ZNF223: variants seen among roughly 807,000 people sequenced by gnomAD.
ZNF223 encodes the protein zinc finger protein 223, also known as Homo sapiens zinc finger protein 223.
In ZNF223, 9 loss-of-function variants were observed where a neutral mutation model predicts 12.3. The ratio of observed to expected loss-of-function variants is 0.73; its 90% confidence interval spans 0.44 to 1.28. The LOEUF is 1.28. ZNF223 is among the 50% of genes most tolerant of loss of function. The pLI, the probability that ZNF223 is intolerant of heterozygous loss-of-function variation, is 0.00. For missense variants in ZNF223, 506 were observed against 579.0 expected, an observed-to-expected ratio of 0.87 and a Z score of 1.29; for synonymous variants, 171 against 195.2, an observed-to-expected ratio of 0.88 and a Z score of 1.03.
intron 1 of ZNF223, among the ~76,000 whole-genome samples, chr19:44,052,953 T>C (rs1298200642): frequency 1.3e-5 from 2 of 152,202 alleles, no homozygotes; most frequent in African/African-American, 4.8e-5. Context: ...CCTAGCATCA[T>C]GTTATCTAAT....
At chr19:44,053,222 A>G (rs73556279) in intron 1 of ZNF223, among the ~76,000 whole-genome samples, 4,475 of 152,248 alleles carry the variant, frequency 0.029, 217 homozygotes, top group African/African-American at 0.1. Context: ...AAGTGGGCCC[A>G]GGGGACCGGC....
Position 44,066,487 on chromosome 19 carries a change from A to G in ZNF223, c.659A>G (p.Gln220Arg), listed in dbSNP as rs1302748594. ...GAATTCAGTCAGAGTTTACATCTGC[A>G]AACTCATCAGAGAGTCCATACTGGA... ...GKEFSQSLHLQTHQRVHTGEK... is the reference protein window; with the variant it reads ...GKEFSQSLHLRTHQRVHTGEK... The change falls in exon 5 of 5, where the codon CAA (glutamine) becomes CGA (arginine). Residue 220 changes from glutamine (Q) to arginine (R), a missense_variant. Physicochemically the swap from Gln to Arg is conservative, Grantham distance 43. Transcript: ENST00000434772. 5 of 1,614,224 alleles carry G rather than the reference A, an allele frequency of 3.1e-6. No individual in the cohort carries two copies. In the South Asian group the frequency reaches 5.5e-5, roughly 18 times the overall value.
Position 44,066,611 on chromosome 19 carries a change from T to C in ZNF223, c.783T>C (p.Asn261=). The change falls in exon 5 of 5, where the codon AAT becomes AAC. Residue 261 remains asparagine (N), a synonymous_variant. Coordinates refer to ENST00000434772, the MANE Select transcript of ZNF223 (RefSeq NM_013361.6). The part of the protein sequence containing the change: ...CKLHMGEKHY[N]CEACGRAFIH... ...TACACATGGGAGAGAAACATTATAA[T>C]TGTGAGGCATGTGGGAGGGCCTTCA... 6.2e-7 allele frequency: 1 copy of C among 1,614,134 alleles called. No individual in the cohort carries two copies. The highest frequency in any genetic ancestry group is 1.1e-5 in the South Asian group (1 of 91,088).
chr19:44,066,507 A>T lies in ZNF223; in HGVS notation c.679A>T (p.Thr227Ser). 1 of 1,614,226 alleles carries T rather than the reference A, an allele frequency of 6.2e-7. No individual in the cohort carries two copies. Among genetic ancestry groups the T allele is most frequent in the Non-Finnish European group, 8.5e-7 (1 of 1,180,028 alleles). ...TCTGCAAACTCATCAGAGAGTCCATACTGGAGAGAAACCTTTCAAATGTGA... is the reference window on the plus strand; with the variant it reads ...TCTGCAAACTCATCAGAGAGTCCATTCTGGAGAGAAACCTTTCAAATGTGA... The part of the protein sequence containing the change: ...LHLQTHQRVH[T>S]GEKPFKCEQC... Residue 227 changes from threonine (T) to serine (S), a missense_variant, in exon 5 of 5, where the codon ACT becomes TCT. Coordinates refer to ENST00000434772, the MANE Select transcript of ZNF223 (RefSeq NM_013361.6).
rs182365822 is a variant in ZNF223 at position 44,057,375 on chromosome 19, A to G, written c.15+2184A>G. Among the ~76,000 whole-genome samples, 85 of 152,338 alleles carry G rather than the reference A, an allele frequency of 5.6e-4. 1 individual carries two copies. Among genetic ancestry groups the G allele is most frequent in the Middle Eastern group, 6.8e-3 (2 of 294 alleles). The stretch of plus-strand genomic sequence containing the variant: ...ATGTTCTTACATCTTACTACTTACC[A>G]TATCATCTTGGCCGGACTGATAATG... On this transcript the variant is annotated intron_variant, in intron 2 of 4. Coordinates refer to ENST00000434772, the MANE Select transcript of ZNF223 (RefSeq NM_013361.6).
chr19:44,056,830 C>T (rs1243305029), intron 2 of ZNF223, among the ~76,000 whole-genome samples: 1 of 151,850 alleles, frequency 6.6e-6, no homozygotes, highest in Non-Finnish European at 1.5e-5. Context: ...GATCTGACCT[C>T]ATGATCTGCC....
chr19:44,053,493 C>T (rs8111721), intron 1 of ZNF223, among the ~76,000 whole-genome samples: 34,036 of 152,072 alleles, frequency 0.22, 3,907 homozygotes, highest in Admixed American at 0.27. Flanking sequence ...CCAGTATTGC[C>T]GCCAGTATGT....
intron 4 of ZNF223, among the ~76,000 whole-genome samples, chr19:44,065,137 TACCCAAGATTTGCCCCCAAGCAAAC>T (rs957116479): frequency 3.3e-5 from 5 of 152,198 alleles, no homozygotes. Context: ...TGTCAAGAGT[TACCCAAGATTTGCCCCCAAGCAAAC>T]AGAGAGACTC....
chr19:44,051,957 G>A (rs997664992), upstream of ZNF223: 2 of 152,278 alleles, frequency 1.3e-5, no homozygotes, highest in African/African-American at 4.8e-5. Flanking sequence ...GGGCCCTTTG[G>A]CTCAGGGGGG....
In ZNF223 at chr19:44,067,162, A is replaced by G; in HGVS notation, c.1334A>G (p.Asp445Gly). The G allele has an allele frequency of 1.2e-6, 2 of 1,613,106 alleles. No homozygotes were observed. Among genetic ancestry groups the G allele is most frequent in the Non-Finnish European group, 1.7e-6 (2 of 1,179,814 alleles). ...CTTGTATACCGGTCATACCGTAAAGACCAACAAAAAAACCACAGTGGAGAA... is the reference window on the plus strand; with the variant it reads ...CTTGTATACCGGTCATACCGTAAAGGCCAACAAAAAAACCACAGTGGAGAA... ...KKLVYRSYRKDQQKNHSGENP... is the reference protein window; with the variant it reads ...KKLVYRSYRKGQQKNHSGENP... The change falls in exon 5 of 5, where the codon GAC becomes GGC. Residue 445 changes from aspartate to glycine, a missense_variant. Coordinates refer to ENST00000434772, the MANE Select transcript of ZNF223 (RefSeq NM_013361.6).
chr19:44,064,507 A>T (rs1482771960), intron 4 of ZNF223, among the ~76,000 whole-genome samples: 1 of 152,158 alleles, frequency 6.6e-6, no homozygotes, highest in Non-Finnish European at 1.5e-5. Flanking sequence ...CTTGTATAGG[A>T]ATACTTTCGA....
intron 4 of ZNF223, among the ~76,000 whole-genome samples, chr19:44,064,438 A>G (rs1767902345): frequency 6.6e-6 from 1 of 152,182 alleles, no homozygotes; most frequent in Non-Finnish European, 1.5e-5. Context: ...TAACCAACTT[A>G]TCATCCATAT....
Position 44,055,181 on chromosome 19 carries a change from C to G in ZNF223, c.5C>G (p.Thr2Ser), listed in dbSNP as rs1419484757. The G allele has an allele frequency of 8.1e-6, 13 of 1,613,078 alleles. No individual in the cohort carries two copies. The highest frequency in any genetic ancestry group is 1.0e-5 in the Non-Finnish European group (12 of 1,179,424). ...TTCCCTAAAGTAGGAGGAAAAATGA[C>G]CATGTCCAAGGTAAGTAGGACTTGC... Reference protein sequence around the residue: MTMSKEAVTFKD... With the variant: MSMSKEAVTFKD... Residue 2 changes from threonine to serine, a missense_variant, in exon 2 of 5, where the codon ACC (threonine) becomes AGC (serine). Transcript: ENST00000434772.
intron 4 of ZNF223, among the ~76,000 whole-genome samples, chr19:44,062,872 G>A (rs1976859969): frequency 6.6e-6 from 1 of 152,218 alleles, no homozygotes; most frequent in Non-Finnish European, 1.5e-5. Flanking sequence ...AGAGGGGGAA[G>A]AATGAGGATG....
At chr19:44,053,217 G>A (rs1312821064) in intron 1 of ZNF223, among the ~76,000 whole-genome samples, 1 of 152,078 alleles carries the variant, frequency 6.6e-6, no homozygotes, top group Non-Finnish European at 1.5e-5. Flanking sequence ...AAGAAAAGTG[G>A]GCCCAGGGGA....
Position 44,066,196 on chromosome 19 carries a change from A to G in ZNF223, c.368A>G (p.Gln123Arg), listed in dbSNP as rs1460145259. Residue 123 changes from glutamine to arginine, a missense_variant, in exon 5 of 5, where the codon CAG becomes CGG. Gln to Arg is a conservative substitution (Grantham distance 43). Coordinates refer to ENST00000434772, the MANE Select transcript of ZNF223 (RefSeq NM_013361.6). ...CAAGACTCTACCATAAAGAGCTCTCAGTTCTTTGAACAGGGTGATGCCCAC... is the reference window on the plus strand; with the variant it reads ...CAAGACTCTACCATAAAGAGCTCTCGGTTCTTTGAACAGGGTGATGCCCAC... ...RPQDSTIKSS[Q>R]FFEQGDAHSQ... is the part of the protein sequence containing the mutation. 1 of 1,614,096 alleles carries G rather than the reference A, an allele frequency of 6.2e-7. No individual in the cohort carries two copies.
intron 4 of ZNF223, among the ~76,000 whole-genome samples, chr19:44,065,191 C>T (rs1449326182): frequency 6.6e-6 from 1 of 152,182 alleles, no homozygotes; most frequent in Non-Finnish European, 1.5e-5. Flanking sequence ...CATGCCCCTT[C>T]AAGATTCTAC....
chr19:44,060,397 C>G, intron 2 of ZNF223, 58 bp from the exon 3 acceptor site: 1 of 1,598,382 alleles, frequency 6.3e-7, no homozygotes. Context: ...CTCAATGTTC[C>G]TTCTCTCCCA....
chr19:44,054,446 T>A (rs1976740100), intron 1 of ZNF223, among the ~76,000 whole-genome samples: 1 of 152,194 alleles, frequency 6.6e-6, no homozygotes, highest in Non-Finnish European at 1.5e-5. Context: ...ATTTCTCCTC[T>A]ATTGGTTCAT....
Sources: allele counts gnomAD v4.1 joint callset (sites outside exome capture counted in the v4.1 genomes callset), GRCh38; gene constraint gnomAD v4.1.1; transcripts MANE v1.5; gene names NCBI Gene and HGNC (gene_info 2026-07-23, HGNC 2026-07-21).